STX17: variants seen among roughly 807,000 people sequenced by gnomAD.
The protein encoded by STX17 is syntaxin 17, also known as syntaxin-17.
A neutral mutation model predicts 35.9 loss-of-function variants in STX17; 29 were observed. The ratio of observed to expected loss-of-function variants is 0.81; its 90% CI spans 0.60 to 1.10. The LOEUF is 1.10. Among genes scored for constraint, STX17 ranks in the 50% least tolerant of loss-of-function variants. The probability of loss-of-function intolerance (pLI) is 0.00; values close to 1 mark genes in which losing one functional copy is unlikely to be tolerated. For missense variants in STX17, 312 were observed against 352.3 expected (o/e 0.89, Z 0.92); for synonymous variants, 92 against 118.3 (o/e 0.78, Z 1.44).
intron 3 of STX17, among the ~76,000 whole-genome samples, chr9:99,946,376 C>T (rs1422276690): frequency 6.6e-6 from 1 of 152,074 alleles, no homozygotes; most frequent in East Asian, 1.9e-4. Context: ...TATACTTTTA[C>T]TAGAAATTAC....
chr9:99,970,625 C>T lies in STX17; in HGVS notation c.*1952C>T, dbSNP rs944701520. ...TTCCAGGGGTAATTCTGACATCACC[C>T]GTCCAGCATAGTCAGCTGAAATTAT... On this transcript the variant is annotated 3_prime_UTR_variant, in exon 8 of 8. Transcript: ENST00000259400. Among the ~76,000 whole-genome samples the T allele has an allele frequency of 2.6e-5, 4 of 152,170 alleles. No homozygotes were observed. Among genetic ancestry groups the T allele is most frequent in the East Asian group, 3.8e-4 (2 of 5,198 alleles).
chr9:99,952,579 AC>A (rs1387079061), intron 4 of STX17, among the ~76,000 whole-genome samples: 7 of 152,170 alleles, frequency 4.6e-5, no homozygotes, highest in Non-Finnish European at 8.8e-5. Context: ...ACACATGCAC[AC>A]GTATGTTTAT....
intron 6 of STX17, 199 bp from the exon 7 acceptor site, chr9:99,967,454 A>C: frequency 2.5e-6 from 1 of 402,286 alleles, no homozygotes; most frequent in Non-Finnish European, 4.4e-6. Flanking sequence ...TTTATTACCT[A>C]ATAATTAAGA....
At chr9:99,944,886 G>A (rs959488880) in intron 3 of STX17, among the ~76,000 whole-genome samples, 7 of 151,896 alleles carry the variant, frequency 4.6e-5, no homozygotes, top group Non-Finnish European at 8.8e-5. Context: ...CTTCATTATT[G>A]GTCATGAAAT....
chr9:99,909,553 T>C (rs1828618227), intron 1 of STX17, among the ~76,000 whole-genome samples: 1 of 152,190 alleles, frequency 6.6e-6, no homozygotes, highest in Non-Finnish European at 1.5e-5. Context: ...AGACAAATAA[T>C]TGATACATTT....
At chr9:99,938,478 T>G (rs1829282944) in intron 3 of STX17, among the ~76,000 whole-genome samples, 1 of 152,170 alleles carries the variant, frequency 6.6e-6, no homozygotes, top group East Asian at 1.9e-4. Flanking sequence ...GAACATTAAC[T>G]TGGCTTTTAT....
intron 3 of STX17, among the ~76,000 whole-genome samples, chr9:99,934,012 T>C (rs1829177807): frequency 6.6e-6 from 1 of 152,172 alleles, no homozygotes; most frequent in African/African-American, 2.4e-5. Context: ...ATTTAAACAA[T>C]AGTTTAAAAC....
chr9:99,939,090 A>G (rs563809207), intron 3 of STX17, among the ~76,000 whole-genome samples: 49 of 152,316 alleles, frequency 3.2e-4, no homozygotes, highest in African/African-American at 1.1e-3. Context: ...TAGGAAAAAC[A>G]TAGAACACTT....
intron 4 of STX17, among the ~76,000 whole-genome samples, chr9:99,959,490 G>A (rs866839339): frequency 1.2e-4 from 15 of 120,920 alleles, no homozygotes; most frequent in Middle Eastern, 0.012. Context: ...GCAGGATCTT[G>A]CTCTGTTCAC....
rs1240578951 is a variant in STX17, at chr9:99,973,375, G to A, written c.*4702G>A. Among the ~76,000 whole-genome samples the A allele has an allele frequency of 1.3e-5, 2 of 152,198 alleles. No individual in the cohort carries two copies. The highest frequency in any genetic ancestry group is 1.9e-4 in the East Asian group (1 of 5,200). On this transcript the variant is annotated 3_prime_UTR_variant, in exon 8 of 8. Transcript: ENST00000259400. ...TGTCAAGCCACCTGCTAAGGCTCATGGTCTTTCAGACTAGCTTCAACATTC... is the reference window on the plus strand; with the variant it reads ...TGTCAAGCCACCTGCTAAGGCTCATAGTCTTTCAGACTAGCTTCAACATTC...
At chr9:99,933,836 A>G (rs910362948) in intron 3 of STX17, among the ~76,000 whole-genome samples, 3 of 152,232 alleles carry the variant, frequency 2.0e-5, no homozygotes, top group Admixed American at 6.5e-5. Context: ...ATACAAAAGT[A>G]TAAAAGGAAT....
At chr9:99,914,514 T>C (rs1828727956) in intron 1 of STX17, among the ~76,000 whole-genome samples, 1 of 152,208 alleles carries the variant, frequency 6.6e-6, no homozygotes, top group East Asian at 1.9e-4. Context: ...AAAAAGTATT[T>C]CAATGTAATT....
intron 1 of STX17, among the ~76,000 whole-genome samples, chr9:99,911,464 A>G (rs1412420415): frequency 6.6e-6 from 1 of 152,156 alleles, no homozygotes; most frequent in Admixed American, 6.5e-5. Context: ...TGCAATAAAC[A>G]TGGGGCTGTA....
intron 2 of STX17, among the ~76,000 whole-genome samples, chr9:99,915,767 C>T (rs1828756185): frequency 6.6e-6 from 1 of 152,092 alleles, no homozygotes; most frequent in Admixed American, 6.6e-5. Flanking sequence ...CTTTGTTGCC[C>T]AGGCTGGTCT....
chr9:99,961,716 G>A (rs374374890), intron 6 of STX17, among the ~76,000 whole-genome samples: 37 of 152,018 alleles, frequency 2.4e-4, no homozygotes, highest in African/African-American at 8.7e-4. Flanking sequence ...GTTTCCCTGA[G>A]ATCTAATTTT....
intron 3 of STX17, among the ~76,000 whole-genome samples, chr9:99,936,896 T>G (rs1829248507): frequency 6.6e-6 from 1 of 152,200 alleles, no homozygotes; most frequent in South Asian, 2.1e-4. Context: ...AGATCCATAT[T>G]TCCATCTGGT....
intron 1 of STX17, among the ~76,000 whole-genome samples, chr9:99,910,327 G>C (rs923225743): frequency 6.6e-6 from 1 of 151,882 alleles, no homozygotes; most frequent in South Asian, 2.1e-4. Context: ...GCAATAATGA[G>C]ACATCATTTT....
Position 99,968,454 on chromosome 9 carries a change from A to C in STX17, c.690A>C (p.Ala230=). The change falls in exon 8 of 8, where the codon GCA becomes GCC. Residue 230 remains alanine, a synonymous_variant. Transcript: ENST00000259400. ...TACAGGCTGCAAAATACAAGCTGGC[A>C]GCTCTGCCTGTGGCAGGTGCACTCA... The part of the protein sequence containing the change: ...NLGKAAKYKL[A]ALPVAGALIG... The C allele has an allele frequency of 6.5e-7, 1 of 1,542,146 alleles. No homozygotes were observed. The highest frequency in any genetic ancestry group is 8.7e-7 in the Non-Finnish European group (1 of 1,147,270).
chr9:99,968,407 T>C (rs1040972690), intron 7 of STX17, 27 bp from the exon 8 acceptor site: 2 of 1,522,202 alleles, frequency 1.3e-6, no homozygotes, highest in Non-Finnish European at 1.8e-6. Context: ...ACTCAGTTTC[T>C]AAATTGAATT....
Sources: gnomAD v4.1 joint callset for allele counts (sites outside exome capture counted in the v4.1 genomes callset) on GRCh38, gnomAD v4.1.1 for gene constraint, MANE v1.5 for transcripts, NCBI Gene and HGNC (gene_info 2026-07-23, HGNC 2026-07-21) for gene names.